ACP3: variants seen among roughly 807,000 people sequenced by gnomAD.
ACP3 encodes the protein acid phosphatase 3.
ACP3 carries 38 observed loss-of-function variants against 45.6 expected under a neutral mutation model. That is an observed-to-expected ratio of 0.83 (90% CI 0.64 to 1.09). The LOEUF is 1.09. ACP3 is among the 50% of genes least tolerant of loss of function. ACP3 has a pLI of 0.00. For synonymous variants in ACP3, 162 were observed against 164.7 expected, an observed-to-expected ratio of 0.98 and a Z score of 0.13; for missense variants, 466 against 463.2, an observed-to-expected ratio of 1.01 and a Z score of -0.05.
intron 9 of ACP3, among the ~76,000 whole-genome samples, chr3:132,353,072 T>TA (rs1937796293): frequency 6.6e-6 from 1 of 152,302 alleles, no homozygotes; most frequent in East Asian, 1.9e-4. Flanking sequence ...ATTACATTTT[T>TA]AAAAAAATTA....
At chr3:132,323,715 G>C (rs192072333) in intron 1 of ACP3, among the ~76,000 whole-genome samples, 85 of 152,282 alleles carry the variant, frequency 5.6e-4, no homozygotes, top group Non-Finnish European at 2.9e-5. Context: ...GGCCCATGTG[G>C]GTAAGCTGAG....
chr3:132,324,402 A>G (rs76475275), intron 1 of ACP3, among the ~76,000 whole-genome samples: 6,281 of 152,222 alleles, frequency 0.041, 197 homozygotes, highest in Non-Finnish European at 0.065. Context: ...ACAGTTACCT[A>G]TGATTTAAAA....
rs1168288710 is a variant in ACP3, at chr3:132,357,570, T to G, written c.*692T>G. On this transcript the variant is annotated 3_prime_UTR_variant, in exon 10 of 10. Coordinates refer to ENST00000336375, the MANE Select transcript of ACP3 (RefSeq NM_001099.5). The stretch of plus-strand genomic sequence containing the variant: ...TTTTAAAGAAACAAAAATCAAACTT[T>G]ACAGAAAGATTTGATGTATGTAATA... 3 of 984,428 alleles carry G rather than the reference T, an allele frequency of 3.0e-6. No individual in the cohort carries two copies. The African/African-American group carries it at 5.2e-5, about 17-fold the overall frequency. 61.0% of individuals were successfully genotyped at this position (984,428 alleles called of 1,614,324 possible).
chr3:132,324,778 G>A (rs952466485), intron 1 of ACP3, among the ~76,000 whole-genome samples: 1 of 152,168 alleles, frequency 6.6e-6, no homozygotes, highest in South Asian at 2.1e-4. Flanking sequence ...GAGTAGCTGG[G>A]ACTACAGGCA....
At chr3:132,318,680 A>G (rs1937151766) in intron 1 of ACP3, among the ~76,000 whole-genome samples, 1 of 151,106 alleles carries the variant, frequency 6.6e-6, no homozygotes, top group Non-Finnish European at 1.5e-5. Context: ...ATGATTCACC[A>G]GCTGTCAGAC....
chr3:132,340,216 G>A (rs1320047599), intron 5 of ACP3, among the ~76,000 whole-genome samples: 2 of 151,662 alleles, frequency 1.3e-5, no homozygotes, highest in East Asian at 1.9e-4. Context: ...TCAGGAGGCT[G>A]AGGCAAGAGA....
intron 7 of ACP3, among the ~76,000 whole-genome samples, chr3:132,346,083 C>T (rs1937605748): frequency 6.6e-6 from 1 of 152,144 alleles, no homozygotes; most frequent in Admixed American, 6.6e-5. Context: ...AGACACTATT[C>T]ACCACAGCAT....
chr3:132,359,549 C>A (rs1938001156), downstream of ACP3, among the ~76,000 whole-genome samples: 1 of 151,946 alleles, frequency 6.6e-6, no homozygotes, highest in Non-Finnish European at 1.5e-5. Context: ...TACCTTTTCC[C>A]CTGACCCTAC....
chr3:132,331,575 A>G, intron 2 of ACP3, 72 bp from the exon 3 acceptor site: 1 of 1,259,332 alleles, frequency 7.9e-7, no homozygotes, highest in Non-Finnish European at 1.1e-6. Context: ...AAAAAAAATC[A>G]ACAAATTTTT....
chr3:132,323,556 G>A (rs1423111899), intron 1 of ACP3, among the ~76,000 whole-genome samples: 1 of 152,196 alleles, frequency 6.6e-6, no homozygotes, highest in Non-Finnish European at 1.5e-5. Flanking sequence ...TCTCTGTAAA[G>A]GTCAAATTTT....
chr3:132,350,725 C>T (rs1293526475), intron 8 of ACP3, among the ~76,000 whole-genome samples: 2 of 152,064 alleles, frequency 1.3e-5, no homozygotes, highest in Non-Finnish European at 2.9e-5. Context: ...GCCATGTTGT[C>T]CTGCTGCTTC....
intron 8 of ACP3, among the ~76,000 whole-genome samples, chr3:132,350,594 A>G (rs1205628818): frequency 6.6e-6 from 1 of 152,236 alleles, no homozygotes; most frequent in Non-Finnish European, 1.5e-5. Flanking sequence ...CAATAGCCAT[A>G]TATAGCCAGT....
intron 4 of ACP3, chr3:132,332,640 T>C (rs904904177): frequency 3.4e-6 from 1 of 293,088 alleles, no homozygotes; most frequent in Non-Finnish European, 6.5e-6. Flanking sequence ...GAGAGGGAGA[T>C]AGACAAGTCC....
chr3:132,349,932 A>G lies in ACP3; in HGVS notation c.794A>G (p.Asn265Ser), dbSNP rs751968473. ...KSRLQGGVLV[N>S]EILNHMKRAT... Reference sequence around the variant, plus strand: ...CATCTTCTTTAAGGTGTCCTGGTCAATGAAATCCTCAATCACATGAAGAGA... The same window carrying G: ...CATCTTCTTTAAGGTGTCCTGGTCAGTGAAATCCTCAATCACATGAAGAGA... The change falls in exon 8 of 10, where the codon AAT (asparagine) becomes AGT (serine). Residue 265 changes from asparagine to serine, a missense_variant. By Grantham distance (46) the Asn-to-Ser change is conservative. Transcript: ENST00000336375. 1.2e-6 allele frequency: 2 copies of G among 1,612,320 alleles called. No homozygotes were observed. Among genetic ancestry groups the G allele is most frequent in the South Asian group, 1.1e-5 (1 of 91,018 alleles).
chr3:132,325,469 T>C (rs1326323927), intron 1 of ACP3, among the ~76,000 whole-genome samples: 2 of 152,170 alleles, frequency 1.3e-5, no homozygotes, highest in Non-Finnish European at 2.9e-5. Flanking sequence ...CCACACTTGT[T>C]TTTCTCTCTC....
chr3:132,343,902 G>A (rs1339657001), intron 6 of ACP3, among the ~76,000 whole-genome samples: 3 of 152,208 alleles, frequency 2.0e-5, no homozygotes, highest in Admixed American at 6.5e-5. Flanking sequence ...GGGAGGCTGA[G>A]ATGGGAGGAT....
intron 2 of ACP3, among the ~76,000 whole-genome samples, chr3:132,329,635 G>T (rs2107797453): frequency 6.6e-6 from 1 of 152,260 alleles, no homozygotes; most frequent in Non-Finnish European, 1.5e-5. Flanking sequence ...TTCCCATTAA[G>T]ACCAAAAGAT....
chr3:132,342,233 C>T (rs1057354933), intron 5 of ACP3, among the ~76,000 whole-genome samples: 1 of 152,294 alleles, frequency 6.6e-6, no homozygotes, highest in Non-Finnish European at 1.5e-5. Context: ...ATAATCAATT[C>T]GTGTTTGTAA....
Position 132,358,152 on chromosome 3 carries a change from G to A in ACP3, c.*1274G>A, listed in dbSNP as rs1041069975. 3.2e-6 allele frequency: 2 copies of A among 626,916 alleles called. No homozygotes were observed. Among genetic ancestry groups the A allele is most frequent in the East Asian group, 2.7e-4 (2 of 7,348 alleles). The allele number at this position is 626,916 out of a possible 1,614,324, so 38.8% of individuals were successfully genotyped here. A position where few individuals can be genotyped will look rare whatever the true frequency, so the allele number is the denominator to read the frequency against. On this transcript the variant is annotated 3_prime_UTR_variant, in exon 10 of 10. Coordinates refer to ENST00000336375, the MANE Select transcript of ACP3 (RefSeq NM_001099.5). Reference sequence around the variant, plus strand: ...CACCTGTAATCCTTGCATTTTGGAAGGCTGAGGCAGGAGGATCACTTTAGG... The same window carrying A: ...CACCTGTAATCCTTGCATTTTGGAAAGCTGAGGCAGGAGGATCACTTTAGG...
Sources: allele counts gnomAD v4.1 joint callset (sites outside exome capture counted in the v4.1 genomes callset), GRCh38; gene constraint gnomAD v4.1.1; transcripts MANE v1.5; gene names NCBI Gene and HGNC (gene_info 2026-07-23, HGNC 2026-07-21).